The following HPF1 variants were observed in gnomAD, a reference collection of about 807,000 sequenced individuals.
The protein encoded by HPF1 is histone PARylation factor 1.
In HPF1, 35 loss-of-function variants were observed where a neutral mutation model predicts 38.8. That is an observed-to-expected ratio of 0.90 (90% CI 0.69 to 1.19). HPF1 has a LOEUF of 1.19. Among genes scored for constraint, HPF1 ranks in the 50% most tolerant of loss-of-function variants. The pLI is 0.00. For synonymous variants in HPF1, 115 were observed against 139.2 expected, an observed-to-expected ratio of 0.83 and a Z score of 1.22; for missense variants, 367 against 405.8, an observed-to-expected ratio of 0.90 and a Z score of 0.82.
intron 4 of HPF1, among the ~76,000 whole-genome samples, chr4:169,747,168 G>A (rs1330362870): frequency 2.7e-5 from 4 of 150,162 alleles, no homozygotes; most frequent in East Asian, 3.9e-4. Context: ...CTCTGCCCTC[G>A]TGGAACTTAA....
At chr4:169,734,680 T>C (rs189555875) in intron 6 of HPF1, among the ~76,000 whole-genome samples, 1 of 152,326 alleles carries the variant, frequency 6.6e-6, no homozygotes, top group East Asian at 1.9e-4. Context: ...AAATACTCAA[T>C]TTAATGAGTT....
chr4:169,735,681 C>G (rs1479549472), intron 6 of HPF1, among the ~76,000 whole-genome samples: 2 of 152,056 alleles, frequency 1.3e-5, no homozygotes, highest in African/African-American at 4.8e-5. Context: ...GCAACCTTTC[C>G]CAAACGAGAT....
Position 169,731,822 on chromosome 4 carries a change from C to G in HPF1, c.791G>C (p.Arg264Thr). 21 of 1,612,680 alleles carry G rather than the reference C, an allele frequency of 1.3e-5. No individual in the cohort carries two copies. The highest frequency in any genetic ancestry group is 1.7e-5 in the Non-Finnish European group (20 of 1,179,446). Residue 264 changes from arginine to threonine, a missense_variant, in exon 7 of 8, where the codon AGA becomes ACA. Physicochemically the swap from Arg to Thr is moderately conservative, Grantham distance 71. Coordinates refer to ENST00000393381, the MANE Select transcript of HPF1 (RefSeq NM_017867.3). ...TIVEAASDEE[R>T]LKAFAPIQEM... ...CTGAATGGGAGCAAAAGCTTTTAGT[C>G]TCTCCTCATCACTTGCAGCCTCAAC... is the stretch of plus-strand genomic sequence containing the variant.
intron 4 of HPF1, among the ~76,000 whole-genome samples, chr4:169,742,867 G>A (rs1227709527): frequency 7.9e-5 from 12 of 151,866 alleles, no homozygotes; most frequent in Non-Finnish European, 1.3e-4. Flanking sequence ...TTTGGAAGCC[G>A]AGGTGGGCGG....
intron 7 of HPF1, among the ~76,000 whole-genome samples, chr4:169,730,728 G>A (rs1733818694): frequency 6.6e-6 from 1 of 152,198 alleles, no homozygotes; most frequent in African/African-American, 2.4e-5. Context: ...TTCCCAGTGT[G>A]GTCTGTAGAG....
chr4:169,732,390 C>T (rs1353978650), intron 6 of HPF1, among the ~76,000 whole-genome samples: 18 of 152,078 alleles, frequency 1.2e-4, no homozygotes, highest in Admixed American at 1.1e-3. Context: ...CTGCCTGCCT[C>T]GGCCTCCCAA....
chr4:169,754,354 G>A (rs1734157724), intron 1 of HPF1, among the ~76,000 whole-genome samples: 1 of 152,152 alleles, frequency 6.6e-6, no homozygotes, highest in South Asian at 2.1e-4. Flanking sequence ...CAGATAAAGA[G>A]GGAAGGTTAG....
chr4:169,753,908 T>C, intron 1 of HPF1, 73 bp from the exon 2 acceptor site: 2 of 1,161,066 alleles, frequency 1.7e-6, no homozygotes, highest in Non-Finnish European at 2.5e-6. Flanking sequence ...TCTATCACTC[T>C]TGTTCACCCA....
chr4:169,733,576 C>T (rs1464893368), intron 6 of HPF1, among the ~76,000 whole-genome samples: 4 of 152,104 alleles, frequency 2.6e-5, no homozygotes, highest in Non-Finnish European at 4.4e-5. Context: ...ATGAGACTAA[C>T]GAAAAATATC....
chr4:169,753,723 T>C lies in HPF1; in HGVS notation c.161A>G (p.Tyr54Cys), dbSNP rs770744830. 2 of 1,612,996 alleles carry C rather than the reference T, an allele frequency of 1.2e-6. No homozygotes were observed. Among genetic ancestry groups the C allele is most frequent in the Non-Finnish European group, 8.5e-7 (1 of 1,179,756 alleles). The change falls in exon 2 of 8, where the codon TAT (tyrosine) becomes TGT (cysteine). Residue 54 changes from tyrosine to cysteine, a missense_variant. Tyr to Cys is a radical substitution (Grantham distance 194). Coordinates refer to ENST00000393381, the MANE Select transcript of HPF1 (RefSeq NM_017867.3). ...HYKLSLPEDF[Y>C]HFWKFCEELD... ...TTCTTCACAGAACTTCCAGAAGTGA[T>C]AGAAATCTTCAGGTAAAGAAAGCTT...
intron 2 of HPF1, among the ~76,000 whole-genome samples, chr4:169,751,540 A>G (rs1203860424): frequency 6.6e-6 from 1 of 151,980 alleles, no homozygotes; most frequent in East Asian, 1.9e-4. Context: ...TTCCTTCTCT[A>G]TTCACGGATC....
intron 4 of HPF1, among the ~76,000 whole-genome samples, chr4:169,743,467 C>T (rs1301087516): frequency 8.1e-6 from 1 of 123,444 alleles, no homozygotes; most frequent in African/African-American, 3.1e-5. Flanking sequence ...TATTATAACA[C>T]TAAAGGTCGA....
At chr4:169,750,176 G>A (rs1425914970) in intron 3 of HPF1, among the ~76,000 whole-genome samples, 1 of 152,148 alleles carries the variant, frequency 6.6e-6, no homozygotes, top group Non-Finnish European at 1.5e-5. Context: ...GGGTCACACA[G>A]ATAATAAACA....
intron 5 of HPF1, among the ~76,000 whole-genome samples, chr4:169,740,211 G>A (rs747933910): frequency 5.3e-5 from 8 of 152,150 alleles, no homozygotes; most frequent in Non-Finnish European, 1.0e-4. Context: ...AGAAGATGGG[G>A]TGGAAAGAAT....
chr4:169,746,992 T>TTA (rs1553978688), intron 4 of HPF1, among the ~76,000 whole-genome samples: 8 of 142,738 alleles, frequency 5.6e-5, no homozygotes, highest in African/African-American at 2.1e-4. Flanking sequence ...TATCTTTTTT[T>TTA]AAAAAAAAAA....
At chr4:169,733,136 CT>C (rs1415015424) in intron 6 of HPF1, among the ~76,000 whole-genome samples, 1 of 152,170 alleles carries the variant, frequency 6.6e-6, no homozygotes, top group Non-Finnish European at 1.5e-5. Flanking sequence ...AGAATTAAAC[CT>C]TTAACTAAAA....
intron 6 of HPF1, among the ~76,000 whole-genome samples, chr4:169,737,300 A>C (rs6827674): frequency 0.021 from 3,109 of 150,542 alleles, 109 homozygotes; most frequent in African/African-American, 0.073. Context: ...AAAAAAAAAA[A>C]AAAAAAACAA....
At chr4:169,745,197 G>A (rs1030499400) in intron 4 of HPF1, among the ~76,000 whole-genome samples, 1 of 152,178 alleles carries the variant, frequency 6.6e-6, no homozygotes, top group African/African-American at 2.4e-5. Context: ...CCTTGAAGTC[G>A]GAAGAGGCCT....
At chr4:169,736,878 G>A (rs576306489) in intron 6 of HPF1, among the ~76,000 whole-genome samples, 28 of 152,118 alleles carry the variant, frequency 1.8e-4, no homozygotes, top group Non-Finnish European at 3.8e-4. Context: ...GATGTTTAAC[G>A]TAGCAATAAC....
Sources: gnomAD v4.1 joint callset for allele counts (sites outside exome capture counted in the v4.1 genomes callset) on GRCh38, gnomAD v4.1.1 for gene constraint, MANE v1.5 for transcripts, NCBI Gene and HGNC (gene_info 2026-07-23, HGNC 2026-07-21) for gene names.